NEK3: variants seen among roughly 807,000 people sequenced by gnomAD.
NEK3 encodes the protein NIMA related kinase 3.
A neutral mutation model predicts 66.0 loss-of-function variants in NEK3; 54 were observed. The observed-to-expected ratio is 0.82, with a 90% CI of 0.66 to 1.03. The LOEUF (loss-of-function observed/expected upper bound fraction) is 1.03. Among genes scored for constraint, NEK3 ranks in the 50% least tolerant of loss-of-function variants. The pLI is 0.00. For synonymous variants in NEK3, 200 were observed against 206.2 expected, an observed-to-expected ratio of 0.97 and a Z score of 0.26; for missense variants, 593 against 603.0, an observed-to-expected ratio of 0.98 and a Z score of 0.17.
chr13:52,143,806 A>G lies in NEK3; in HGVS notation c.877+109T>C, dbSNP rs151171540. 3 of 646,522 alleles carry G rather than the reference A, an allele frequency of 4.6e-6. No homozygotes were observed. The African/African-American group carries it at 5.6e-5, about 12-fold the overall frequency. The allele number at this position is 646,522 out of a possible 1,614,324, so 40.0% of individuals were successfully genotyped here. ...ACAAAAAGAAAAGGTTCATTTGAGGAGTATCTCCGATAATCATTTCTAATA... is the reference window on the plus strand; with the variant it reads ...ACAAAAAGAAAAGGTTCATTTGAGGGGTATCTCCGATAATCATTTCTAATA... On this transcript the variant is annotated intron_variant, in intron 10 of 15. Transcript: ENST00000610828.
At chr13:52,154,423 G>T (rs1594030773) in intron 2 of NEK3, among the ~76,000 whole-genome samples, 1 of 151,952 alleles carries the variant, frequency 6.6e-6, no homozygotes, top group African/African-American at 2.4e-5. Flanking sequence ...CATACAGAAT[G>T]TAAATAGTTT....
chr13:52,156,255 T>G lies in NEK3; in HGVS notation c.-57-7A>C, dbSNP rs1419328964. ...CACCATGGGCTCTCCCAAACTGCAT[T>G]CAAAAGCAGAAACATTTGAGAATTA... On this transcript the variant is annotated splice_region_variant and splice_polypyrimidine_tract_variant and intron_variant, in intron 1 of 15. Coordinates refer to ENST00000610828, the MANE Select transcript of NEK3 (RefSeq NM_002498.3). 7 of 932,642 alleles carry G rather than the reference T, an allele frequency of 7.5e-6. No homozygotes were observed. The Admixed American group carries it at 9.3e-5, about 12-fold the overall frequency. 57.8% of individuals were successfully genotyped at this position (932,642 alleles called of 1,614,324 possible).
intron 7 of NEK3, among the ~76,000 whole-genome samples, chr13:52,149,824 G>A (rs1277884655): frequency 6.7e-6 from 1 of 150,160 alleles, no homozygotes; most frequent in Non-Finnish European, 1.5e-5. Flanking sequence ...AGCCAAGATT[G>A]TGCCATTGCA....
Position 52,143,904 on chromosome 13 carries a change from A to G in NEK3, c.877+11T>C, listed in dbSNP as rs765106514. ...AGCACTTAACAAAAAATACTCTGTCAAAATTCTTACTTTTTTTTCTTGGTG... is the reference window on the plus strand; with the variant it reads ...AGCACTTAACAAAAAATACTCTGTCGAAATTCTTACTTTTTTTTCTTGGTG... On this transcript the variant is annotated intron_variant, in intron 10 of 15. Coordinates refer to ENST00000610828, the MANE Select transcript of NEK3 (RefSeq NM_002498.3). The G allele has an allele frequency of 7.4e-6, 10 of 1,346,252 alleles. No homozygotes were observed. The African/African-American group carries it at 1.2e-4, about 16-fold the overall frequency. The allele number at this position is 1,346,252 out of a possible 1,614,324, so 83.4% of individuals were successfully genotyped here.
Position 52,143,986 on chromosome 13 carries a change from A to C in NEK3, c.806T>G (p.Ile269Ser). Residue 269 changes from isoleucine to serine, a missense_variant and splice_region_variant, in exon 10 of 16, where the codon ATC (isoleucine) becomes AGC (serine). Physicochemically the swap from Ile to Ser is moderately radical, Grantham distance 142 (BLOSUM62 -2). Transcript: ENST00000610828. Reference protein sequence around the residue: ...RLVQKCLPPEIIMEYGEEVLE... With the variant: ...RLVQKCLPPESIMEYGEEVLE... ...TACTTCCTCACCATATTCCATGATG[A>C]TCTGAAATTTAAAGTTGAGAATTTA... is the stretch of plus-strand genomic sequence containing the variant. 2 of 1,485,818 alleles carry C rather than the reference A, an allele frequency of 1.3e-6. No homozygotes were observed. Among genetic ancestry groups the C allele is most frequent in the Non-Finnish European group, 1.8e-6 (2 of 1,095,216 alleles). The allele number at this position is 1,485,818 out of a possible 1,614,324, so 92.0% of individuals were successfully genotyped here.
In NEK3 at chr13:52,133,685, G is replaced by T; in HGVS notation, c.1436+4C>A. On this transcript the variant is annotated splice_donor_region_variant and intron_variant, in intron 15 of 15. Coordinates refer to ENST00000610828, the MANE Select transcript of NEK3 (RefSeq NM_002498.3). The stretch of plus-strand genomic sequence containing the variant: ...TACAGCTTTCTATGCATATCACAAC[G>T]TACGTGTCCTCCTCATCTAGCCCAG... 6.5e-7 allele frequency: 1 copy of T among 1,549,392 alleles called. No individual in the cohort carries two copies. Among genetic ancestry groups the T allele is most frequent in the South Asian group, 1.2e-5 (1 of 84,026 alleles).
Position 52,136,797 on chromosome 13 carries a change from T to TA in NEK3, c.1030+2dup. 6.5e-7 allele frequency: 1 copy of TA among 1,538,722 alleles called. No individual in the cohort carries two copies. The highest frequency in any genetic ancestry group is 8.8e-7 in the Non-Finnish European group (1 of 1,136,782). ...AGAAATGATTAGAATTTGAATAACT[T>TA]ACCTTTTTCTTCTCTGTTTACTCTT... On this transcript the variant is annotated splice_region_variant and intron_variant, in intron 12 of 15. Transcript: ENST00000610828.
intron 8 of NEK3, among the ~76,000 whole-genome samples, chr13:52,147,171 A>C (rs1167842994): frequency 6.6e-6 from 1 of 152,228 alleles, no homozygotes; most frequent in Non-Finnish European, 1.5e-5. Context: ...ATCTAACTGC[A>C]AAAAGCTGAG....
chr13:52,134,808 T>G (rs1406121492), intron 14 of NEK3, among the ~76,000 whole-genome samples: 1 of 152,232 alleles, frequency 6.6e-6, no homozygotes, highest in Non-Finnish European at 1.5e-5. Context: ...CCATGATCTT[T>G]TGTGCACAGC....
chr13:52,140,142 G>T (rs1956235872), intron 11 of NEK3, among the ~76,000 whole-genome samples: 1 of 149,278 alleles, frequency 6.7e-6, no homozygotes, highest in Non-Finnish European at 1.5e-5. Context: ...TTGAGCCCAG[G>T]TGTTCGAAGA....
chr13:52,140,929 C>A, intron 11 of NEK3, 91 bp downstream of exon 11: 1 of 1,051,036 alleles, frequency 9.5e-7, no homozygotes, highest in South Asian at 1.7e-5. Flanking sequence ...ATTCTCCTGC[C>A]TCAACCTCCC....
chr13:52,144,817 G>C lies in NEK3; in HGVS notation c.678C>G (p.Tyr226Ter). 6.2e-7 allele frequency: 1 copy of C among 1,613,184 alleles called. No individual in the cohort carries two copies. The highest frequency in any genetic ancestry group is 8.5e-7 in the Non-Finnish European group (1 of 1,179,378). ...TGACTAGGAACTGAAGTTCATAGGA[G>C]TAATGAGACGGCAGTGGACTGATGC... ...QGCISPLPSHYSYELQFLVKQ... is the reference protein window; with the variant it reads ...QGCISPLPSH Residue 226 changes from tyrosine to a stop codon, truncating the protein, a stop_gained, in exon 9 of 16, where the codon TAC becomes TAG. Coordinates refer to ENST00000610828, the MANE Select transcript of NEK3 (RefSeq NM_002498.3). LOFTEE classifies it high-confidence loss of function.
In NEK3 at chr13:52,136,239, TC is replaced by T; in HGVS notation, c.1050del (p.Arg351GlyfsTer35). 6.2e-7 allele frequency: 1 copy of T among 1,613,758 alleles called. No individual in the cohort carries two copies. Among genetic ancestry groups the T allele is most frequent in the East Asian group, 2.2e-5 (1 of 44,856 alleles). On this transcript the variant is annotated frameshift_variant, in exon 13 of 16. Coordinates refer to ENST00000610828, the MANE Select transcript of NEK3 (RefSeq NM_002498.3). LOFTEE classifies it high-confidence loss of function. ...TGAAGATTTGGTGAACTGGCTTTCC[TC>T]AGATGGACTGACTTATTACCTGATT... Reference protein sequence around the residue: ...REEKGNKSVHLRKASSPNLHR... With the variant: ...REEKGNKSVHXRKASSPNLHR...
intron 2 of NEK3, among the ~76,000 whole-genome samples, chr13:52,154,552 G>GA (rs368821193): frequency 2.1e-5 from 3 of 143,030 alleles, no homozygotes; most frequent in African/African-American, 2.6e-5. Context: ...TATCCTAAAA[G>GA]AAAAAAAAAA....
chr13:52,156,151 G>A lies in NEK3; in HGVS notation c.41C>T (p.Ser14Phe), dbSNP rs116455578. ...YMVLRMIGEG[S>F]FGRALLVQHE... ...CTGAACCAAAAGAGCTCTGCCGAAG[G>A]AGCCCTCCCCAATCATTCTCAGGAC... Residue 14 changes from serine (S) to phenylalanine (F), a missense_variant, in exon 2 of 16, where the codon TCC becomes TTC. Transcript: ENST00000610828. 2.2e-4 allele frequency: 356 copies of A among 1,605,960 alleles called. No individual in the cohort carries two copies. The African/African-American group carries it at 4.3e-3, about 19-fold the overall frequency.
chr13:52,136,733 T>C lies in NEK3; in HGVS notation c.1030+67A>G, dbSNP rs546351798. On this transcript the variant is annotated intron_variant, in intron 12 of 15. Coordinates refer to ENST00000610828, the MANE Select transcript of NEK3 (RefSeq NM_002498.3). ...ACTCTTGTTTATGATATCTGAGACC[T>C]AGTAACATAAAAATTGGTATTCCCC... is the stretch of plus-strand genomic sequence containing the variant. The C allele has an allele frequency of 3.6e-5, 32 of 900,562 alleles. No individual in the cohort carries two copies. In the African/African-American group the frequency reaches 4.4e-4, roughly 12 times the overall value. The allele number at this position is 900,562 out of a possible 1,614,324, so 55.8% of individuals were successfully genotyped here.
At chr13:52,145,018 G>A in intron 8 of NEK3, 127 bp from the exon 9 acceptor site, 1 of 659,776 alleles carries the variant, frequency 1.5e-6, no homozygotes, top group South Asian at 1.9e-5. Context: ...CTTTCTAGAG[G>A]TGTCCTTAAG....
At position 52,133,646 on chromosome 13, in the gene NEK3, C is replaced by CACAA. The variant is rs56222741; in HGVS notation, c.1436+42_1436+43insTTGT. The CACAA allele has an allele frequency of 4.5e-6, 7 of 1,538,502 alleles. No homozygotes were observed. The South Asian group carries it at 8.4e-5, about 19-fold the overall frequency. ...ACACACACACACACACACACACACA[C>CACAA]CCCCAACCCCAGCTACAGCTTTCTA... On this transcript the variant is annotated intron_variant, in intron 15 of 15. Transcript: ENST00000610828.
At chr13:52,147,153 T>C (rs1324251387) in intron 8 of NEK3, among the ~76,000 whole-genome samples, 1 of 152,216 alleles carries the variant, frequency 6.6e-6, no homozygotes, top group Non-Finnish European at 1.5e-5. Context: ...GAAACTCATA[T>C]AAGTGAAATC....
Sources: gnomAD v4.1 joint callset for allele counts (sites outside exome capture counted in the v4.1 genomes callset) on GRCh38, gnomAD v4.1.1 for gene constraint, MANE v1.5 for transcripts, NCBI Gene and HGNC (gene_info 2026-07-23, HGNC 2026-07-21) for gene names.